Variants in GRIK2 observed in about 807,000 individuals in gnomAD.
GRIK2 encodes the protein glutamate receptor ionotropic, kainate 2.
In GRIK2, 32 loss-of-function variants were observed where a neutral mutation model predicts 100.3. That is an observed-to-expected ratio of 0.32 (90% confidence interval 0.24 to 0.43). GRIK2 has a LOEUF of 0.43. GRIK2 is among the 20% of genes least tolerant of loss of function. The probability of loss-of-function intolerance (pLI) is 1.00; values close to 1 mark genes in which losing one functional copy is unlikely to be tolerated. For synonymous variants in GRIK2, 417 were observed against 389.4 expected (o/e 1.07, Z -0.83); for missense variants, 843 against 1,114.9 (o/e 0.76, Z 3.47).
chr6:101,740,893 A>G (rs58195728), intron 7 of GRIK2, among the ~76,000 whole-genome samples: 6,124 of 152,236 alleles, frequency 0.04, 225 homozygotes, highest in East Asian at 0.12. Context: ...GGTTCTGCCC[A>G]CTGACCCAAA....
At chr6:102,045,715 C>T (rs1272496493) in intron 15 of GRIK2, among the ~76,000 whole-genome samples, 2 of 152,034 alleles carry the variant, frequency 1.3e-5, no homozygotes, top group African/African-American at 2.4e-5. Context: ...TCTTAACAGA[C>T]ACCTCATCAA....
intron 11 of GRIK2, among the ~76,000 whole-genome samples, chr6:101,884,005 AG>A (rs1298376577): frequency 3.3e-5 from 5 of 152,148 alleles, no homozygotes; most frequent in African/African-American, 1.2e-4. Context: ...TAGTTGGGCA[AG>A]AATGAAAATA....
intron 4 of GRIK2, among the ~76,000 whole-genome samples, chr6:101,667,648 C>T (rs760000288): frequency 4.0e-5 from 6 of 151,852 alleles, no homozygotes; most frequent in Admixed American, 6.6e-5. Flanking sequence ...GTCCTGGCTT[C>T]GAAGAGAACA....
chr6:101,787,096 T>C (rs1779476260), intron 7 of GRIK2, among the ~76,000 whole-genome samples: 1 of 152,006 alleles, frequency 6.6e-6, no homozygotes, highest in Admixed American at 6.5e-5. Flanking sequence ...ATTTTTGAGT[T>C]TGTTAGTACA....
chr6:101,476,255 A>ATTGTC lies in GRIK2; in HGVS notation c.115+76866_115+76870dup, dbSNP rs1388236048. ...AACAAGCAGTTATCTATGTGGCTGT[A>ATTGTC]TTGTCTTCACACATCTTCCCTATGA... On this transcript the variant is annotated intron_variant, in intron 2 of 16. Transcript: ENST00000369134. Among the ~76,000 whole-genome samples the ATTGTC allele has an allele frequency of 2.0e-5, 3 of 152,238 alleles. No homozygotes were observed. In the East Asian group the frequency reaches 5.8e-4, roughly 29 times the overall value.
intron 2 of GRIK2, among the ~76,000 whole-genome samples, chr6:101,516,716 G>A (rs1774603271): frequency 6.6e-6 from 1 of 152,076 alleles, no homozygotes; most frequent in South Asian, 2.1e-4. Context: ...TTATATGCAT[G>A]TAGCTATAAT....
rs573798814 is a variant in GRIK2, at chr6:101,666,160, T to C, written c.542-10463T>C. Among the ~76,000 whole-genome samples, 19 of 152,284 alleles carry C rather than the reference T, an allele frequency of 1.2e-4. No individual in the cohort carries two copies. The South Asian group carries it at 3.3e-3, about 27-fold the overall frequency. ...TCACAGAGTGGACTGAAAGCTGTTATACTCATGGATACAATTTATAGCAGC... is the reference window on the plus strand; with the variant it reads ...TCACAGAGTGGACTGAAAGCTGTTACACTCATGGATACAATTTATAGCAGC... On this transcript the variant is annotated intron_variant, in intron 4 of 16. Coordinates refer to ENST00000369134, the MANE Select transcript of GRIK2 (RefSeq NM_021956.5).
At chr6:101,470,203 C>T (rs1228879632) in intron 2 of GRIK2, among the ~76,000 whole-genome samples, 1 of 152,200 alleles carries the variant, frequency 6.6e-6, no homozygotes, top group Non-Finnish European at 1.5e-5. Flanking sequence ...GGAACTGAAG[C>T]AGTACTCTGG....
At chr6:101,445,670 G>A (rs990621275) in intron 2 of GRIK2, among the ~76,000 whole-genome samples, 1 of 151,890 alleles carries the variant, frequency 6.6e-6, no homozygotes, top group East Asian at 1.9e-4. Flanking sequence ...CTGTTAACGT[G>A]GGCTATGGAC....
At chr6:101,421,359 G>A (rs1463251333) in intron 2 of GRIK2, among the ~76,000 whole-genome samples, 1 of 152,170 alleles carries the variant, frequency 6.6e-6, no homozygotes, top group Non-Finnish European at 1.5e-5. Context: ...GTTGGCTTAG[G>A]GTTTACTCGC....
chr6:101,789,489 C>G (rs1779679900), intron 7 of GRIK2, among the ~76,000 whole-genome samples: 2 of 152,236 alleles, frequency 1.3e-5, no homozygotes, highest in South Asian at 4.2e-4. Flanking sequence ...TTGTTTTTCT[C>G]AGGTTTGTCA....
chr6:101,810,867 A>G (rs1403279179), intron 9 of GRIK2, among the ~76,000 whole-genome samples: 1 of 152,066 alleles, frequency 6.6e-6, no homozygotes, highest in African/African-American at 2.4e-5. Flanking sequence ...TGTACCCAAT[A>G]TTCATGCATT....
intron 2 of GRIK2, among the ~76,000 whole-genome samples, chr6:101,568,749 A>C (rs1777399424): frequency 6.6e-6 from 1 of 152,028 alleles, no homozygotes; most frequent in Non-Finnish European, 1.5e-5. Context: ...CCTTCAACAC[A>C]TTTTTATTTA....
chr6:101,409,293 G>A (rs1298460470), intron 2 of GRIK2, among the ~76,000 whole-genome samples: 1 of 152,014 alleles, frequency 6.6e-6, no homozygotes, highest in Non-Finnish European at 1.5e-5. Flanking sequence ...CAGCCTAGGA[G>A]CAATTGGCTG....
At chr6:101,821,500 A>G (rs1304437322) in intron 10 of GRIK2, among the ~76,000 whole-genome samples, 1 of 152,140 alleles carries the variant, frequency 6.6e-6, no homozygotes, top group African/African-American at 2.4e-5. Context: ...CTCCATATGA[A>G]TAAGATGTAA....
At chr6:101,442,797 C>T (rs555325324) in intron 2 of GRIK2, among the ~76,000 whole-genome samples, 1 of 152,234 alleles carries the variant, frequency 6.6e-6, no homozygotes, top group South Asian at 2.1e-4. Context: ...TAACTATTCA[C>T]AAAAGTAGGG....
At position 101,682,822 on chromosome 6, in the gene GRIK2, T is replaced by C. The variant is rs180844290; in HGVS notation, c.777+216T>C. On this transcript the variant is annotated intron_variant, in intron 6 of 16. Coordinates refer to ENST00000369134, the MANE Select transcript of GRIK2 (RefSeq NM_021956.5). ...CATTTCAGATATCAATTCAAAATAT[T>C]GCATATCTTATTTTTATGTTGCTTT... Among the ~76,000 whole-genome samples the C allele has an allele frequency of 1.5e-3, 229 of 152,324 alleles. 1 individual carries two copies. The highest frequency in any genetic ancestry group is 3.5e-3 in the African/African-American group (146 of 41,580).
At chr6:101,954,111 T>C (rs913661482) in intron 14 of GRIK2, among the ~76,000 whole-genome samples, 5 of 152,162 alleles carry the variant, frequency 3.3e-5, no homozygotes, top group African/African-American at 1.2e-4. Flanking sequence ...AATTAATCTG[T>C]ATGTCTATCC....
At chr6:101,974,005 A>G (rs1793218030) in intron 14 of GRIK2, among the ~76,000 whole-genome samples, 1 of 151,908 alleles carries the variant, frequency 6.6e-6, no homozygotes. Context: ...GACTCGTACA[A>G]TTGGTCCCTT....
Sources: allele counts gnomAD v4.1 joint callset (sites outside exome capture counted in the v4.1 genomes callset), GRCh38; gene constraint gnomAD v4.1.1; transcripts MANE v1.5; gene names NCBI Gene and HGNC (gene_info 2026-07-23, HGNC 2026-07-21).